Variants in ITGB3 observed in about 807,000 individuals in gnomAD.
ITGB3 encodes integrin subunit beta 3, also known as integrin beta-3.
In ITGB3, 48 loss-of-function variants were observed where a neutral mutation model predicts 85.8. The ratio of observed to expected loss-of-function variants is 0.56; its 90% CI spans 0.44 to 0.71. The LOEUF (loss-of-function observed/expected upper bound fraction) is 0.71, where lower values mean the gene tolerates loss of function less well. ITGB3 is among the 30% of genes least tolerant of loss of function. The pLI, the probability that ITGB3 is intolerant of heterozygous loss-of-function variation, is 0.00. For missense variants in ITGB3, 861 were observed against 1,019.1 expected, an observed-to-expected ratio of 0.84 and a Z score of 2.11; for synonymous variants, 363 against 395.6, an observed-to-expected ratio of 0.92 and a Z score of 0.98.
chr17:47,269,748 C>G (rs1010718050), intron 1 of ITGB3, among the ~76,000 whole-genome samples: 2 of 152,218 alleles, frequency 1.3e-5, no homozygotes, highest in African/African-American at 4.8e-5. Context: ...CAAACTGTTG[C>G]AATTTCTGCC....
At chr17:47,259,044 A>G (rs1269026743) in intron 1 of ITGB3, among the ~76,000 whole-genome samples, 4 of 152,210 alleles carry the variant, frequency 2.6e-5, no homozygotes, top group Non-Finnish European at 5.9e-5. Flanking sequence ...GGTGCTCCCC[A>G]GCTTTCAGCT....
chr17:47,270,978 A>G (rs2065042348), intron 1 of ITGB3, among the ~76,000 whole-genome samples: 1 of 152,188 alleles, frequency 6.6e-6, no homozygotes, highest in African/African-American at 2.4e-5. Flanking sequence ...GCAAAGCAAA[A>G]CTTCATCTAT....
intron 14 of ITGB3, among the ~76,000 whole-genome samples, chr17:47,308,153 G>T (rs2065196565): frequency 2.2e-5 from 1 of 44,784 alleles, no homozygotes; most frequent in Admixed American, 1.8e-4. Flanking sequence ...GCAGGACTCG[G>T]TCTCAAAAAT....
chr17:47,292,656 T>C, intron 10 of ITGB3, 88 bp downstream of exon 10: 1 of 1,403,546 alleles, frequency 7.1e-7, no homozygotes, highest in Non-Finnish European at 9.9e-7. Context: ...AGGCCTGAGA[T>C]GGGTCTTTGC....
intron 2 of ITGB3, among the ~76,000 whole-genome samples, chr17:47,278,967 A>G (rs180851297): frequency 2.6e-5 from 4 of 152,288 alleles, no homozygotes; most frequent in Admixed American, 1.3e-4. Context: ...CCTCTGTCCT[A>G]ATGGATTTCA....
chr17:47,305,341 TATG>T (rs1319798575), intron 13 of ITGB3, among the ~76,000 whole-genome samples: 1 of 152,156 alleles, frequency 6.6e-6, no homozygotes, highest in African/African-American at 2.4e-5. Context: ...CAGCTTGAGT[TATG>T]GTGGTGGTTG....
chr17:47,254,968 ATTAT>A (rs145396998), intron 1 of ITGB3, among the ~76,000 whole-genome samples: 34,446 of 151,262 alleles, frequency 0.23, 4,650 homozygotes, highest in East Asian at 0.47. Flanking sequence ...ATTTTATTTT[ATTAT>A]TTATTTATTT....
intron 1 of ITGB3, among the ~76,000 whole-genome samples, chr17:47,266,896 C>T (rs569919080): frequency 6.6e-6 from 1 of 152,170 alleles, no homozygotes; most frequent in East Asian, 1.9e-4. Context: ...ATATTCCTAA[C>T]CCCATTTAGA....
At position 47,299,222 on chromosome 17, in the gene ITGB3, G is replaced by A; in HGVS notation, c.1691-86G>A. On this transcript the variant is annotated intron_variant, in intron 10 of 14. Coordinates refer to ENST00000559488, the MANE Select transcript of ITGB3 (RefSeq NM_000212.3). This position sits in a 1 kb window ranked among gnomAD's most constrained non-coding sequence, Gnocchi z 5.1. ...GGAGGATCATTATCTGTGTGGTTGG[G>A]AGAGCAGGATGGTCGTGTGTAGCCT... The A allele has an allele frequency of 7.9e-7, 1 of 1,262,720 alleles. No individual in the cohort carries two copies. The highest frequency in any genetic ancestry group is 1.1e-6 in the Non-Finnish European group (1 of 875,372). 78.2% of individuals were successfully genotyped at this position (1,262,720 alleles called of 1,614,324 possible).
At chr17:47,284,779 C>A in intron 4 of ITGB3, 84 bp downstream of exon 4, 1 of 1,568,538 alleles carries the variant, frequency 6.4e-7, no homozygotes, top group South Asian at 1.1e-5. Context: ...GCTCTAGGAT[C>A]ACTTTGTTGG....
At chr17:47,279,922 G>T (rs1310279815) in intron 2 of ITGB3, 1 of 152,266 alleles carries the variant, frequency 6.6e-6, no homozygotes, top group East Asian at 1.9e-4. Context: ...AGGAGGAAGG[G>T]GTAGGAGAGG....
intron 12 of ITGB3, among the ~76,000 whole-genome samples, 186 bp from the exon 13 acceptor site, chr17:47,302,535 C>G (rs2065170962): frequency 6.6e-6 from 1 of 152,188 alleles, no homozygotes; most frequent in Non-Finnish European, 1.5e-5. Flanking sequence ...GTACAAAATA[C>G]ATCAGTGAGT....
At chr17:47,268,591 C>G (rs1426030012) in intron 1 of ITGB3, among the ~76,000 whole-genome samples, 1 of 152,240 alleles carries the variant, frequency 6.6e-6, no homozygotes, top group African/African-American at 2.4e-5. Context: ...GACTCCATGT[C>G]TCACACCTAG....
intron 11 of ITGB3, 149 bp from the exon 12 acceptor site, chr17:47,300,329 T>C (rs2065161396): frequency 1.7e-6 from 1 of 589,220 alleles, no homozygotes; most frequent in African/African-American, 2.1e-5. Context: ...CAGGATTGTC[T>C]TACAGGCGCG....
intron 1 of ITGB3, among the ~76,000 whole-genome samples, chr17:47,259,771 C>T (rs754570084): frequency 2.0e-4 from 31 of 152,006 alleles, no homozygotes; most frequent in Admixed American, 8.5e-4. Context: ...TGGTGGCATG[C>T]GTCTGTAATC....
At chr17:47,297,618 C>T (rs1439616226) in intron 10 of ITGB3, among the ~76,000 whole-genome samples, 1 of 151,872 alleles carries the variant, frequency 6.6e-6, no homozygotes, top group Non-Finnish European at 1.5e-5. Context: ...GATGGCACCA[C>T]TGCACTCCAG....
At chr17:47,280,777 C>T (rs1050839027) in intron 2 of ITGB3, among the ~76,000 whole-genome samples, 2 of 152,212 alleles carry the variant, frequency 1.3e-5, no homozygotes, top group Non-Finnish European at 2.9e-5. Flanking sequence ...CTCCATCCCT[C>T]GCACATGCCC....
chr17:47,286,365 G>A lies in ITGB3; in HGVS notation c.720G>A (p.Arg240=). 2 of 1,614,194 alleles carry A rather than the reference G, an allele frequency of 1.2e-6. No homozygotes were observed. The highest frequency in any genetic ancestry group is 1.7e-6 in the Non-Finnish European group (2 of 1,180,030). Residue 240 remains arginine, a synonymous_variant, in exon 5 of 15, where the codon CGG becomes CGA. Transcript: ENST00000559488. ...AAGTGAAGAAGCAGAGTGTGTCACG[G>A]AACCGAGATGCCCCAGAGGGTGGCT... ...NEEVKKQSVS[R]NRDAPEGGFD...
At chr17:47,255,368 C>T (rs558063779) in intron 1 of ITGB3, among the ~76,000 whole-genome samples, 332 of 152,238 alleles carry the variant, frequency 2.2e-3, no homozygotes, top group Non-Finnish European at 3.9e-3. Flanking sequence ...CGTCAAGACT[C>T]TTCTGTGTAT....
Sources: gnomAD v4.1 joint callset for allele counts (sites outside exome capture counted in the v4.1 genomes callset) on GRCh38, gnomAD v4.1.1 for gene constraint, Gnocchi (gnomAD v3.1) non-coding constraint, MANE v1.5 for transcripts, NCBI Gene and HGNC (gene_info 2026-07-23, HGNC 2026-07-21) for gene names.